The following KCND3 variants were observed in gnomAD, a reference collection of about 807,000 sequenced individuals.
KCND3 encodes the protein A-type voltage-gated potassium channel KCND3.
In KCND3, 9 loss-of-function variants were observed where a neutral mutation model predicts 51.1. That is an observed-to-expected ratio of 0.18 (90% CI 0.11 to 0.31). The LOEUF is 0.31. Among genes scored for constraint, KCND3 ranks in the 10% least tolerant of loss-of-function variants. KCND3 has a pLI of 1.00. For missense variants in KCND3, 526 were observed against 903.8 expected (o/e 0.58, Z 5.36); for synonymous variants, 349 against 368.0 (o/e 0.95, Z 0.59).
intron 2 of KCND3, among the ~76,000 whole-genome samples, chr1:111,949,171 A>G (rs1672933456): frequency 6.6e-6 from 1 of 152,224 alleles, no homozygotes; most frequent in Non-Finnish European, 1.5e-5. Context: ...GGGAATAGAA[A>G]GTAGGATGAT....
At chr1:111,915,293 A>C (rs1399371099) in intron 2 of KCND3, among the ~76,000 whole-genome samples, 1 of 152,230 alleles carries the variant, frequency 6.6e-6, no homozygotes, top group Non-Finnish European at 1.5e-5. Flanking sequence ...AGTATACCTA[A>C]TCTAAAAACT....
chr1:111,946,695 T>G (rs141020678), intron 2 of KCND3, among the ~76,000 whole-genome samples: 325 of 152,282 alleles, frequency 2.1e-3, no homozygotes, highest in African/African-American at 7.5e-3. Flanking sequence ...TACTGAAAAG[T>G]GAGAAGTCTG....
Position 111,846,342 on chromosome 1 carries a change from C to G in KCND3, c.1107-59236G>C, listed in dbSNP as rs1667547147. Among the ~76,000 whole-genome samples, 3 of 152,212 alleles carry G rather than the reference C, an allele frequency of 2.0e-5. No homozygotes were observed. In the South Asian group the frequency reaches 6.2e-4, roughly 32 times the overall value. ...CTGCCAGAAAAAGCCCATTTATCCT[C>G]TTTCGGGAGCTCTTCCCTGATGTTA... On this transcript the variant is annotated intron_variant, in intron 2 of 7. Coordinates refer to ENST00000302127, the MANE Select transcript of KCND3 (RefSeq NM_001378969.1).
intron 2 of KCND3, among the ~76,000 whole-genome samples, chr1:111,794,897 G>A (rs971624759): frequency 2.0e-5 from 3 of 152,170 alleles, no homozygotes; most frequent in Admixed American, 1.3e-4. Context: ...AAGGTCACTT[G>A]GCTAGCCAGC....
At chr1:111,974,743 G>A (rs561684025) in intron 2 of KCND3, among the ~76,000 whole-genome samples, 4 of 152,300 alleles carry the variant, frequency 2.6e-5, no homozygotes, top group African/African-American at 4.8e-5. Context: ...GAGGAATCCC[G>A]GTTGTGTTTA....
intron 2 of KCND3, among the ~76,000 whole-genome samples, chr1:111,904,400 C>A (rs992202644): frequency 6.6e-6 from 1 of 152,164 alleles, no homozygotes; most frequent in Non-Finnish European, 1.5e-5. Flanking sequence ...CCTTTAGGGG[C>A]AGCTTTCCTA....
At chr1:111,864,104 G>T (rs1179336591) in intron 2 of KCND3, among the ~76,000 whole-genome samples, 3 of 152,116 alleles carry the variant, frequency 2.0e-5, no homozygotes, top group Non-Finnish European at 4.4e-5. Flanking sequence ...TTTCCATTTT[G>T]GTCATGTTGA....
chr1:111,796,387 A>G (rs758298032), intron 2 of KCND3, among the ~76,000 whole-genome samples: 8 of 145,906 alleles, frequency 5.5e-5, no homozygotes, highest in Non-Finnish European at 1.0e-4. Flanking sequence ...ATGCCTATCA[A>G]TGGTAGACCA....
At chr1:111,806,228 T>C (rs1665564206) in intron 2 of KCND3, among the ~76,000 whole-genome samples, 2 of 152,158 alleles carry the variant, frequency 1.3e-5, no homozygotes, top group South Asian at 2.1e-4. Flanking sequence ...TCTACACTAG[T>C]GGGGAGTGTC....
chr1:111,818,990 ATTATTAAT>A (rs1255814665), intron 2 of KCND3, among the ~76,000 whole-genome samples: 1 of 152,068 alleles, frequency 6.6e-6, no homozygotes, highest in East Asian at 1.9e-4. Flanking sequence ...GTTTTATTTT[ATTATTAAT>A]TTATTAATTT....
Position 111,801,074 on chromosome 1 carries a change from C to T in KCND3, c.1107-13968G>A, listed in dbSNP as rs143103949. On this transcript the variant is annotated intron_variant, in intron 2 of 7. Coordinates refer to ENST00000302127, the MANE Select transcript of KCND3 (RefSeq NM_001378969.1). ...TATGTTCACACAAAAGCCTTCTCCC[C>T]GGGGCTGCTTCTCAGCCTTCTGCCA... Among the ~76,000 whole-genome samples the T allele has an allele frequency of 8.9e-3, 1,357 of 152,346 alleles. 9 individuals carry two copies. Among genetic ancestry groups the T allele is most frequent in the Middle Eastern group, 0.017 (5 of 294 alleles).
intron 2 of KCND3, among the ~76,000 whole-genome samples, chr1:111,940,073 G>GTTTTTTGTTTT (rs1672426664): frequency 1.2e-5 from 1 of 85,472 alleles, no homozygotes; most frequent in Non-Finnish European, 2.1e-5. Context: ...CTTTTTGATG[G>GTTTTTTGTTTT]TTTTTTTTTT....
intron 2 of KCND3, among the ~76,000 whole-genome samples, chr1:111,962,265 C>T (rs1673701198): frequency 1.3e-5 from 2 of 152,212 alleles, no homozygotes; most frequent in African/African-American, 2.4e-5. Flanking sequence ...CCCAGGTCTG[C>T]CTGCCTTTGG....
chr1:111,940,057 C>T (rs538050090), intron 2 of KCND3, among the ~76,000 whole-genome samples: 7 of 134,096 alleles, frequency 5.2e-5, no homozygotes, highest in Admixed American at 7.7e-5. Context: ...TTATATCCTT[C>T]GCCTACTTTT....
At chr1:111,987,660 G>T (rs1169148678) in intron 1 of KCND3, among the ~76,000 whole-genome samples, 4 of 152,220 alleles carry the variant, frequency 2.6e-5, no homozygotes, top group African/African-American at 9.6e-5. Context: ...CCTGACAGGA[G>T]CCAACACCTT....
At chr1:111,802,180 C>T (rs1156774971) in intron 2 of KCND3, among the ~76,000 whole-genome samples, 2 of 152,248 alleles carry the variant, frequency 1.3e-5, no homozygotes, top group African/African-American at 4.8e-5. Context: ...ACAACTTGGG[C>T]CATGGTTGGG....
At chr1:111,944,051 G>T (rs954853988) in intron 2 of KCND3, among the ~76,000 whole-genome samples, 2 of 152,190 alleles carry the variant, frequency 1.3e-5, no homozygotes, top group African/African-American at 4.8e-5. Context: ...CCATCTTCTT[G>T]ACAACTATTT....
At chr1:111,936,468 C>T (rs1055387933) in intron 2 of KCND3, among the ~76,000 whole-genome samples, 6 of 152,040 alleles carry the variant, frequency 3.9e-5, no homozygotes, top group African/African-American at 7.2e-5. Context: ...GAGAGGAAGG[C>T]GAAAATGGCA....
intron 2 of KCND3, among the ~76,000 whole-genome samples, chr1:111,852,614 C>G (rs148568725): frequency 1.3e-5 from 2 of 152,258 alleles, no homozygotes; most frequent in African/African-American, 4.8e-5. Flanking sequence ...GGGTTAATTA[C>G]GCACACACCA....
Sources: allele counts gnomAD v4.1 joint callset (sites outside exome capture counted in the v4.1 genomes callset), GRCh38; gene constraint gnomAD v4.1.1; transcripts MANE v1.5; gene names NCBI Gene and HGNC (gene_info 2026-07-23, HGNC 2026-07-21).